Variants in DCAF4 observed in about 807,000 individuals in gnomAD.
The protein encoded by DCAF4 is DDB1- and CUL4-associated factor 4.
Under a neutral mutation model 60.9 loss-of-function variants are expected in DCAF4, and 37 were observed. That is an observed-to-expected ratio of 0.61 (90% confidence interval 0.47 to 0.80). The LOEUF (loss-of-function observed/expected upper bound fraction) is 0.80. Ranked by LOEUF, DCAF4 falls within the 30% of genes least tolerant of loss-of-function variation. The pLI, the probability that DCAF4 is intolerant of heterozygous loss-of-function variation, is 0.00. For synonymous variants in DCAF4, 243 were observed against 254.8 expected (o/e 0.95, Z 0.44); for missense variants, 577 against 650.0 (o/e 0.89, Z 1.22).
chr14:72,955,609 C>G lies in DCAF4; in HGVS notation c.1092C>G (p.Ala364=). Residue 364 remains alanine (A), a synonymous_variant, in exon 12 of 14, where the codon GCC becomes GCG. Transcript: ENST00000358377. The stretch of plus-strand genomic sequence containing the variant: ...GAAATCAAGGCAAGGGATGGAAGGC[C>G]ACCCGCCTGTTTCATGATTCAGCAG... ...RCGNQGKGWK[A]TRLFHDSAVT... The G allele has an allele frequency of 6.2e-7, 1 of 1,614,188 alleles. No homozygotes were observed. Among genetic ancestry groups the G allele is most frequent in the Non-Finnish European group, 8.5e-7 (1 of 1,180,022 alleles).
chr14:72,953,719 AAAAAAAAAAAAAAATATATAT>A (rs1326975739), intron 9 of DCAF4, among the ~76,000 whole-genome samples: 7 of 50,710 alleles, frequency 1.4e-4, no homozygotes, highest in African/African-American at 6.5e-4. Flanking sequence ...TAAAAAAAAA[AAAAAAAAAAAAAAATATATAT>A]ATATATATAT....
intron 1 of DCAF4, chr14:72,929,741 G>T: frequency 1.9e-6 from 2 of 1,029,126 alleles, no homozygotes; most frequent in Non-Finnish European, 3.1e-6. Context: ...TCTCCTTGAA[G>T]ACCTTCAGTG....
At chr14:72,949,711 T>C (rs1444982769) in intron 8 of DCAF4, among the ~76,000 whole-genome samples, 1 of 151,536 alleles carries the variant, frequency 6.6e-6, no homozygotes, top group African/African-American at 2.4e-5. Flanking sequence ...GAGCCAAGAT[T>C]GCGCCACTGC....
intron 8 of DCAF4, among the ~76,000 whole-genome samples, chr14:72,951,402 G>A (rs1347471555): frequency 7.9e-5 from 12 of 151,992 alleles, no homozygotes; most frequent in African/African-American, 1.2e-4. Context: ...ACGTGAGGTC[G>A]GGTGTTCGAG....
At chr14:72,950,448 A>G (rs1410012808) in intron 8 of DCAF4, among the ~76,000 whole-genome samples, 1 of 152,154 alleles carries the variant, frequency 6.6e-6, no homozygotes, top group Admixed American at 6.5e-5. Context: ...AGATTTAGAA[A>G]CCAGAGGCTC....
intron 13 of DCAF4, chr14:72,956,795 G>C (rs1375734702): frequency 8.1e-6 from 3 of 368,698 alleles, no homozygotes; most frequent in South Asian, 4.6e-5. Flanking sequence ...AGTTTGAGTG[G>C]ATTTCATCAG....
intron 1 of DCAF4, among the ~76,000 whole-genome samples, chr14:72,928,588 TATATATA>T (rs1567290089): frequency 0.028 from 4,048 of 146,696 alleles, 83 homozygotes; most frequent in East Asian, 0.061. Context: ...ACATCCTTTA[TATATATA>T]TATATATATA....
chr14:72,948,489 G>C (rs557215285), intron 8 of DCAF4, among the ~76,000 whole-genome samples: 38 of 152,288 alleles, frequency 2.5e-4, no homozygotes, highest in African/African-American at 9.1e-4. Flanking sequence ...AGGCCAATGG[G>C]ACTGACCACA....
intron 12 of DCAF4, 57 bp downstream of exon 12, chr14:72,955,753 G>A: frequency 6.6e-7 from 1 of 1,508,774 alleles, no homozygotes; most frequent in Non-Finnish European, 9.1e-7. Context: ...TGCCCTGCCA[G>A]GTGAAAGGGT....
downstream of DCAF4, among the ~76,000 whole-genome samples, chr14:72,961,171 G>A (rs1892805928): frequency 6.6e-6 from 1 of 152,128 alleles, no homozygotes; most frequent in Admixed American, 6.6e-5. Flanking sequence ...ACAGACACGA[G>A]CCATTTGTAA....
At chr14:72,929,963 G>T in intron 1 of DCAF4, 1 of 781,164 alleles carries the variant, frequency 1.3e-6, no homozygotes, top group South Asian at 1.6e-5. Flanking sequence ...CGTGGCGGAA[G>T]GCCAAAAATA....
At chr14:72,953,730 AAAATATATATATATAT>A (rs1447424912) in intron 9 of DCAF4, among the ~76,000 whole-genome samples, 495 of 27,778 alleles carry the variant, frequency 0.018, 66 homozygotes, top group African/African-American at 0.08. Context: ...AAAAAAAAAA[AAAATATATATATATAT>A]ATATATATAT....
chr14:72,937,553 T>A (rs1395884632), intron 1 of DCAF4, among the ~76,000 whole-genome samples: 2 of 151,952 alleles, frequency 1.3e-5, no homozygotes, highest in Non-Finnish European at 2.9e-5. Flanking sequence ...CCTGAGTAGC[T>A]GGGATTACAG....
chr14:72,951,913 C>T (rs1338767599), intron 9 of DCAF4, 36 bp downstream of exon 9: 1 of 1,609,900 alleles, frequency 6.2e-7, no homozygotes, highest in Non-Finnish European at 8.5e-7. Flanking sequence ...AATCTGTCCT[C>T]TGTCTCCCGA....
chr14:72,951,314 A>G (rs1486404569), intron 8 of DCAF4, among the ~76,000 whole-genome samples: 1 of 152,052 alleles, frequency 6.6e-6, no homozygotes, highest in Non-Finnish European at 1.5e-5. Flanking sequence ...TTTCCCTTTA[A>G]AAAACATCTG....
intron 1 of DCAF4, among the ~76,000 whole-genome samples, chr14:72,937,766 G>C (rs527303218): frequency 3.0e-4 from 45 of 152,222 alleles, no homozygotes; most frequent in Non-Finnish European, 5.7e-4. Context: ...GTCGACTAAG[G>C]GTAACAGGAA....
chr14:72,927,378 G>T (rs1217047677), intron 1 of DCAF4, among the ~76,000 whole-genome samples: 1 of 128,146 alleles, frequency 7.8e-6, no homozygotes, highest in African/African-American at 3.0e-5. Flanking sequence ...TTTTGAGGCG[G>T]AGTCTCGCTG....
chr14:72,942,809 C>T (rs1052658455), intron 5 of DCAF4, 185 bp from the exon 6 acceptor site: 8 of 588,346 alleles, frequency 1.4e-5, no homozygotes, highest in African/African-American at 5.6e-5. Flanking sequence ...TCTTCCTGAG[C>T]GTTCTGTGGG....
chr14:72,943,165 GCCAGTCATCAAA>G (rs1178851673), intron 6 of DCAF4, 69 bp downstream of exon 6: 7 of 1,431,000 alleles, frequency 4.9e-6, no homozygotes, highest in Non-Finnish European at 6.8e-6. Flanking sequence ...GCTTAGCGTT[GCCAGTCATCAAA>G]CCTGGCTCTG....
Sources: gnomAD v4.1 joint callset for allele counts (sites outside exome capture counted in the v4.1 genomes callset) on GRCh38, gnomAD v4.1.1 for gene constraint, MANE v1.5 for transcripts, NCBI Gene and HGNC (gene_info 2026-07-23, HGNC 2026-07-21) for gene names.